CPNE4: variants seen among roughly 807,000 people sequenced by gnomAD.
The protein encoded by CPNE4 is copine 4.
CPNE4 carries 25 observed loss-of-function variants against 67.9 expected under a neutral mutation model. That is an observed-to-expected ratio of 0.37 (90% confidence interval 0.27 to 0.51). The LOEUF is 0.51. Ranked by LOEUF, CPNE4 falls within the 20% of genes least tolerant of loss-of-function variation. The pLI is 0.93. For missense variants in CPNE4, 464 were observed against 690.8 expected (o/e 0.67, Z 3.68); for synonymous variants, 242 against 244.9 (o/e 0.99, Z 0.11).
In CPNE4 at chr3:131,761,468, A is replaced by C. The variant is rs545479889; in HGVS notation, c.181-37843T>G. ...ATTTTTAAAATGAAAATTTATGAAA[A>C]GGCTGGGCATGTTGTCTGGAATGAC... On this transcript the variant is annotated intron_variant, in intron 2 of 15. Transcript: ENST00000429747. Among the ~76,000 whole-genome samples the C allele has an allele frequency of 4.5e-4, 68 of 152,210 alleles. No individual in the cohort carries two copies. In the South Asian group the frequency reaches 0.013, roughly 30 times the overall value.
At chr3:131,915,871 A>T (rs2089163129) in intron 1 of CPNE4, among the ~76,000 whole-genome samples, 1 of 152,228 alleles carries the variant, frequency 6.6e-6, no homozygotes, top group Non-Finnish European at 1.5e-5. Context: ...ATTCATAAAG[A>T]TGAGATTTCT....
intron 1 of CPNE4, among the ~76,000 whole-genome samples, chr3:131,921,813 A>G (rs1458728386): frequency 6.6e-6 from 1 of 152,226 alleles, no homozygotes; most frequent in African/African-American, 2.4e-5. Context: ...CGTCAAAGTA[A>G]TTAGCAAAGA....
Position 131,619,917 on chromosome 3 carries a change from A to T in CPNE4, c.682-32335T>A, listed in dbSNP as rs148826486. ...GGGGAGGGATGGAAAGAGATTAAGG[A>T]GGTAGAATTGACAGGACTTGACTGA... On this transcript the variant is annotated intron_variant, in intron 7 of 15. Coordinates refer to ENST00000429747, the MANE Select transcript of CPNE4 (RefSeq NM_130808.3). Among the ~76,000 whole-genome samples, 305 of 152,320 alleles carry T rather than the reference A, an allele frequency of 2.0e-3. 1 individual carries two copies. Among genetic ancestry groups the T allele is most frequent in the Non-Finnish European group, 3.6e-3 (242 of 68,022 alleles).
chr3:131,811,633 AATT>A (rs1475430875), intron 2 of CPNE4, among the ~76,000 whole-genome samples: 1 of 152,138 alleles, frequency 6.6e-6, no homozygotes, highest in Non-Finnish European at 1.5e-5. Flanking sequence ...ATATTATTCA[AATT>A]AGTCCTTATA....
chr3:131,581,876 C>T (rs991249620), intron 8 of CPNE4, among the ~76,000 whole-genome samples: 3 of 152,146 alleles, frequency 2.0e-5, no homozygotes, highest in Non-Finnish European at 2.9e-5. Context: ...CCAGCAACTC[C>T]GCTTCCCTGC....
chr3:131,747,527 A>T (rs1261384246), intron 2 of CPNE4, among the ~76,000 whole-genome samples: 1 of 141,308 alleles, frequency 7.1e-6, no homozygotes, highest in East Asian at 2.0e-4. Context: ...AGTATTTTAA[A>T]ATTTGGTTTC....
chr3:131,655,604 A>G (rs1170682431), intron 7 of CPNE4, among the ~76,000 whole-genome samples: 1 of 152,178 alleles, frequency 6.6e-6, no homozygotes, highest in Non-Finnish European at 1.5e-5. Flanking sequence ...TGTGGTCAAC[A>G]TAATGTTGAA....
At chr3:131,541,334 C>T (rs1935474657) in intron 15 of CPNE4, among the ~76,000 whole-genome samples, 4 of 152,090 alleles carry the variant, frequency 2.6e-5, no homozygotes, top group Admixed American at 2.6e-4. Flanking sequence ...CTCCTTCCTC[C>T]ATGGACACAA....
chr3:131,963,768 G>A (rs2072255914), intron 1 of CPNE4, among the ~76,000 whole-genome samples: 1 of 152,170 alleles, frequency 6.6e-6, no homozygotes, highest in African/African-American at 2.4e-5. Flanking sequence ...CCATCTCCCT[G>A]GGACAGAGCA....
At chr3:131,834,278 C>G (rs2085478105) in intron 2 of CPNE4, among the ~76,000 whole-genome samples, 1 of 152,112 alleles carries the variant, frequency 6.6e-6, no homozygotes, top group Non-Finnish European at 1.5e-5. Context: ...TAATTATCTC[C>G]TTTTAATTTG....
intron 6 of CPNE4, among the ~76,000 whole-genome samples, chr3:131,673,969 G>A (rs184674689): frequency 1.4e-4 from 21 of 151,754 alleles, no homozygotes; most frequent in African/African-American, 4.1e-4. Context: ...GGCTTTTGTT[G>A]TGTTGACGTA....
chr3:131,736,374 C>G (rs1375607744), intron 2 of CPNE4, among the ~76,000 whole-genome samples: 1 of 151,988 alleles, frequency 6.6e-6, no homozygotes, highest in Non-Finnish European at 1.5e-5. Flanking sequence ...GTAATCCCAG[C>G]ACTTTGGGAG....
In CPNE4 at chr3:131,792,925, G is replaced by A. The variant is rs73222313; in HGVS notation, c.181-69300C>T. On this transcript the variant is annotated intron_variant, in intron 2 of 15. Coordinates refer to ENST00000429747, the MANE Select transcript of CPNE4 (RefSeq NM_130808.3). ...TGTGTGTGTGTGTGTGTGTGTGTGT[G>A]TATCTCCAACAAAACATGCCAAAAC... 2.4e-3 allele frequency among the ~76,000 whole-genome samples: 331 copies of A among 135,180 alleles called. 4 individuals carry two copies. In the Middle Eastern group the frequency reaches 0.04, roughly 17 times the overall value. The allele number at this position is 135,180 out of a possible 152,430, so 88.7% of individuals were successfully genotyped here.
At chr3:131,967,869 T>C (rs1367083354) in intron 1 of CPNE4, among the ~76,000 whole-genome samples, 1 of 152,142 alleles carries the variant, frequency 6.6e-6, no homozygotes, top group Admixed American at 6.5e-5. Flanking sequence ...TAAAATTTCA[T>C]GTGGAACCAA....
At chr3:131,999,522 G>T (rs1216496513) in intron 1 of CPNE4, among the ~76,000 whole-genome samples, 3 of 152,024 alleles carry the variant, frequency 2.0e-5, no homozygotes, top group Non-Finnish European at 4.4e-5. Context: ...TGCTGGAAAA[G>T]AATCAGAAAG....
intron 7 of CPNE4, among the ~76,000 whole-genome samples, chr3:131,667,854 A>G (rs2080304600): frequency 2.0e-5 from 3 of 152,158 alleles, no homozygotes; most frequent in Non-Finnish European, 4.4e-5. Context: ...GACTCCTCAT[A>G]AAAAGTAGAT....
At chr3:131,546,586 T>C (rs1935851930) in intron 14 of CPNE4, among the ~76,000 whole-genome samples, 2 of 152,180 alleles carry the variant, frequency 1.3e-5, no homozygotes, top group African/African-American at 4.8e-5. Context: ...GTAATTTATA[T>C]GGAGATGTGT....
intron 1 of CPNE4, among the ~76,000 whole-genome samples, chr3:131,975,429 T>C (rs1378960032): frequency 6.6e-6 from 1 of 152,166 alleles, no homozygotes; most frequent in Non-Finnish European, 1.5e-5. Flanking sequence ...ATGGGGAGGA[T>C]TGGATTCATT....
chr3:131,696,742 C>T, intron 4 of CPNE4, 126 bp from the exon 5 acceptor site: 1 of 803,594 alleles, frequency 1.2e-6, no homozygotes, highest in Non-Finnish European at 2.1e-6. Flanking sequence ...AAGAGTTTTT[C>T]CACAACCCTA....
Sources: allele counts gnomAD v4.1 joint callset (sites outside exome capture counted in the v4.1 genomes callset), GRCh38; gene constraint gnomAD v4.1.1; transcripts MANE v1.5; gene names NCBI Gene and HGNC (gene_info 2026-07-23, HGNC 2026-07-21).